The following HDAC8 variants were observed in gnomAD, a reference collection of about 807,000 sequenced individuals.
HDAC8 encodes the protein histone deacetylase-like 1.
In HDAC8, 1 loss-of-function variant was observed where a neutral mutation model predicts 32.2. The ratio of observed to expected loss-of-function variants is 0.03; its 90% CI spans 0.01 to 0.15. The LOEUF (loss-of-function observed/expected upper bound fraction) is 0.15. HDAC8 is among the 10% of genes least tolerant of loss of function. HDAC8 has a pLI of 1.00. For synonymous variants in HDAC8, 108 were observed against 113.9 expected, an observed-to-expected ratio of 0.95 and a Z score of 0.33; for missense variants, 117 against 300.0, an observed-to-expected ratio of 0.39 and a Z score of 4.51.
intron 9 of HDAC8, among the ~76,000 whole-genome samples, chrX:72,449,259 A>T (rs2047507066): frequency 9.0e-6 from 1 of 111,545 alleles, no homozygotes; most frequent in Non-Finnish European, 1.9e-5. Context: ...ATAAAAAAGG[A>T]TGAGTTCATG....
At chrX:72,344,186 C>G (rs1057290941) in intron 10 of HDAC8, among the ~76,000 whole-genome samples, 1 of 111,681 alleles carries the variant, frequency 9.0e-6, no homozygotes, top group African/African-American at 3.3e-5. Context: ...TAGGGTAGTG[C>G]CCTCTGCCCC....
At chrX:72,377,209 G>C (rs2045108204) in intron 9 of HDAC8, 1 of 112,142 alleles carries the variant, frequency 8.9e-6, no homozygotes, top group Non-Finnish European at 1.9e-5. Flanking sequence ...GGAGTGTGCT[G>C]TTTAATTTCC....
intron 6 of HDAC8, chrX:72,489,349 T>A: frequency 3.1e-6 from 1 of 325,086 alleles, no homozygotes; most frequent in Admixed American, 3.5e-5. Flanking sequence ...GCATGGGGTG[T>A]CTACTAGTAT....
intron 9 of HDAC8, among the ~76,000 whole-genome samples, chrX:72,395,123 A>C (rs2045725729): frequency 8.9e-6 from 1 of 112,709 alleles, no homozygotes; most frequent in Non-Finnish European, 1.9e-5. Flanking sequence ...TGCTAAGAGC[A>C]AAAGATTAAT....
At chrX:72,421,494 G>A (rs782584291) in intron 9 of HDAC8, among the ~76,000 whole-genome samples, 5 of 111,987 alleles carry the variant, frequency 4.5e-5, no homozygotes. Context: ...GTAAGCTGAG[G>A]ATAATGGCTT....
rs781816234 is a variant in HDAC8 at position 72,510,802 on chromosome X, T to C, written c.438-15534A>G. Among the ~76,000 whole-genome samples the C allele has an allele frequency of 1.2e-4, 14 of 112,150 alleles. No individual in the cohort carries two copies. The South Asian group carries it at 3.0e-3, about 24-fold the overall frequency. ...CTGTAAGCTTCTTTAGCACACTTTT[T>C]TTCAGATTACTTAGGTACAATTTTC... On this transcript the variant is annotated intron_variant, in intron 4 of 10. Coordinates refer to ENST00000373573, the MANE Select transcript of HDAC8 (RefSeq NM_018486.3).
intron 7 of HDAC8, among the ~76,000 whole-genome samples, chrX:72,476,604 GT>G (rs2048343457): frequency 9.0e-6 from 1 of 111,452 alleles, no homozygotes; most frequent in South Asian, 3.8e-4. Context: ...TGGATTCAGT[GT>G]TTGTATAGCA....
At chrX:72,388,004 AAGGAAGAGT>A (rs1328477370) in intron 9 of HDAC8, among the ~76,000 whole-genome samples, 8 of 110,691 alleles carry the variant, frequency 7.2e-5, no homozygotes, top group Non-Finnish European at 1.3e-4. Context: ...TTGGAATTTG[AAGGAAGAGT>A]AGGACTTCAT....
At position 72,338,640 on chromosome X, in the gene HDAC8, GAT is replaced by G. The variant is rs10632029; in HGVS notation, c.1112-8566_1112-8565del. On this transcript the variant is annotated intron_variant, in intron 10 of 10. Transcript: ENST00000373573. ...TAACAGCTGTATTAATAGTCACCTT[GAT>G]ATATATATATATATTTATAAATATA... Among the ~76,000 whole-genome samples the G allele has an allele frequency of 4.5e-3, 414 of 91,708 alleles. 2 individuals are homozygous for G. The highest frequency in any genetic ancestry group is 0.015 in the African/African-American group (383 of 25,020). The allele number at this position is 91,708 out of a possible 115,157, so 79.6% of individuals were successfully genotyped here.
chrX:72,469,079 T>G (rs959758556), intron 7 of HDAC8, among the ~76,000 whole-genome samples: 3 of 111,915 alleles, frequency 2.7e-5, no homozygotes, highest in Non-Finnish European at 1.9e-5. Context: ...AGTTTCTCCA[T>G]CTACAATTTT....
intron 7 of HDAC8, chrX:72,474,635 C>A (rs782166626): frequency 8.4e-7 from 1 of 1,196,804 alleles, no homozygotes; most frequent in South Asian, 1.8e-5. Flanking sequence ...CTTCAGTATT[C>A]AGCAGTCTAG....
chrX:72,571,553 C>CTTTTTTTTTT (rs782331910), intron 2 of HDAC8, among the ~76,000 whole-genome samples: 23 of 30,443 alleles, frequency 7.6e-4, no homozygotes, highest in Non-Finnish European at 1.0e-3. Context: ...TTCTTTCTTT[C>CTTTTTTTTTT]TTTTTTTTTT....
At chrX:72,415,971 G>A (rs1166714192) in intron 9 of HDAC8, among the ~76,000 whole-genome samples, 1 of 111,472 alleles carries the variant, frequency 9.0e-6, no homozygotes, top group African/African-American at 3.3e-5. Context: ...TCAAAGCTGA[G>A]AGCAGAAATA....
intron 9 of HDAC8, among the ~76,000 whole-genome samples, chrX:72,396,423 C>T (rs2045763658): frequency 8.9e-6 from 1 of 112,489 alleles, no homozygotes; most frequent in South Asian, 3.7e-4. Flanking sequence ...AAAGGCAACA[C>T]TGCTGCTGTG....
chrX:72,357,254 G>C (rs1037839334), intron 9 of HDAC8, among the ~76,000 whole-genome samples: 2 of 108,242 alleles, frequency 1.8e-5, no homozygotes, highest in African/African-American at 3.4e-5. Context: ...GGGGAGTTCA[G>C]TTAGGAGCAT....
chrX:72,379,791 C>T (rs1458561468), intron 9 of HDAC8, among the ~76,000 whole-genome samples: 1 of 111,407 alleles, frequency 9.0e-6, no homozygotes, highest in African/African-American at 3.3e-5. Context: ...CATGAGCCAC[C>T]ACACCTGGCC....
chrX:72,487,690 G>A (rs915265761), intron 7 of HDAC8, among the ~76,000 whole-genome samples: 18 of 105,336 alleles, frequency 1.7e-4, no homozygotes, highest in African/African-American at 6.0e-4. Flanking sequence ...GAGACACTGT[G>A]GACAGTGCAC....
At chrX:72,496,369 TCTTTAGACACTGA>T (rs1175162246) in intron 4 of HDAC8, among the ~76,000 whole-genome samples, 1 of 110,338 alleles carries the variant, frequency 9.1e-6, no homozygotes, top group African/African-American at 3.3e-5. Context: ...GGTAAAAATA[TCTTTAGACACTGA>T]CTTTGCTTCA....
chrX:72,528,620 T>C (rs1228086280), intron 4 of HDAC8, among the ~76,000 whole-genome samples: 1 of 110,827 alleles, frequency 9.0e-6, no homozygotes, highest in African/African-American at 3.3e-5. Context: ...GGGGTCATGA[T>C]GGTGGTGACG....
Sources: allele counts gnomAD v4.1 joint callset (sites outside exome capture counted in the v4.1 genomes callset), GRCh38; gene constraint gnomAD v4.1.1; transcripts MANE v1.5; gene names NCBI Gene and HGNC (gene_info 2026-07-23, HGNC 2026-07-21).